Variants in GON4L observed in about 807,000 individuals in gnomAD.
The protein encoded by GON4L is GON-4-like protein.
In GON4L, 87 loss-of-function variants were observed where a neutral mutation model predicts 211.8. The ratio of observed to expected loss-of-function variants is 0.41; its 90% CI spans 0.35 to 0.49. The LOEUF is 0.49. Among genes scored for constraint, GON4L ranks in the 20% least tolerant of loss-of-function variants. GON4L has a pLI of 0.15. For synonymous variants in GON4L, 875 were observed against 962.6 expected (o/e 0.91, Z 1.68); for missense variants, 2,155 against 2,659.5 (o/e 0.81, Z 4.17).
At chr1:155,763,727 G>A (rs1459095602) in intron 21 of GON4L, among the ~76,000 whole-genome samples, 163 bp from the exon 22 acceptor site, 1 of 152,200 alleles carries the variant, frequency 6.6e-6, no homozygotes, top group Non-Finnish European at 1.5e-5. Context: ...AATGGGCCAG[G>A]TACAGTGGCT....
At chr1:155,811,564 T>C (rs571349672) in intron 10 of GON4L, among the ~76,000 whole-genome samples, 5 of 150,784 alleles carry the variant, frequency 3.3e-5, no homozygotes, top group Non-Finnish European at 7.4e-5. Context: ...GAGACCAGCC[T>C]GGCCAATGTG....
intron 3 of GON4L, among the ~76,000 whole-genome samples, chr1:155,826,439 A>G (rs1448295613): frequency 6.6e-6 from 1 of 151,524 alleles, no homozygotes; most frequent in Admixed American, 6.6e-5. Context: ...GGTGGCAGGC[A>G]CCTGTAATCC....
In GON4L at chr1:155,765,926, G is replaced by C. The variant is rs770962317; in HGVS notation, c.3547C>G (p.Leu1183Val). 6.2e-7 allele frequency: 1 copy of C among 1,614,178 alleles called. No homozygotes were observed. The highest frequency in any genetic ancestry group is 1.7e-5 in the Admixed American group (1 of 60,016). The change falls in exon 21 of 32, where the codon CTC (leucine) becomes GTC (valine). Residue 1183 changes from leucine (L) to valine (V), a missense_variant. Physicochemically the swap from Leu to Val is conservative, Grantham distance 32. Coordinates refer to ENST00000368331, the MANE Select transcript of GON4L (RefSeq NM_001282860.2). ...GGGAAGGAAGTAGGGTTAACCAAGA[G>C]GGTAGTGATGGGAATAGTCTGGGGA... ...QSPQTIPITT[L>V]LVNPTSFPCP...
chr1:155,786,592 G>A (rs1664967757), intron 12 of GON4L, among the ~76,000 whole-genome samples: 1 of 152,116 alleles, frequency 6.6e-6, no homozygotes. Context: ...GCTGTCTTTG[G>A]ATCTGAACTA....
intron 9 of GON4L, 80 bp from the exon 10 acceptor site, chr1:155,813,884 G>A: frequency 8.5e-7 from 1 of 1,171,746 alleles, no homozygotes. Context: ...AAAAAGAGAG[G>A]GAAAAAGAGG....
At chr1:155,752,705 C>G in intron 29 of GON4L, 115 bp from the exon 30 acceptor site, 3 of 1,491,926 alleles carry the variant, frequency 2.0e-6, no homozygotes, top group Non-Finnish European at 2.7e-6. Flanking sequence ...GAGGGCTGGG[C>G]ATGGTGGCTC....
chr1:155,833,363 A>C (rs1173961229), intron 2 of GON4L, among the ~76,000 whole-genome samples: 1 of 152,046 alleles, frequency 6.6e-6, no homozygotes, highest in Non-Finnish European at 1.5e-5. Context: ...AAAAAAAGGA[A>C]GGAAGGCCAG....
At chr1:155,843,304 C>T (rs1477224920) in intron 2 of GON4L, among the ~76,000 whole-genome samples, 2 of 152,174 alleles carry the variant, frequency 1.3e-5, no homozygotes, top group African/African-American at 4.8e-5. Context: ...ATTGCAGAAT[C>T]TGTCATCAGC....
intron 10 of GON4L, among the ~76,000 whole-genome samples, chr1:155,806,872 G>A (rs1667175769): frequency 6.6e-6 from 1 of 152,046 alleles, no homozygotes; most frequent in Non-Finnish European, 1.5e-5. Context: ...GGAGGCCCAG[G>A]AAGAACTGCT....
At chr1:155,774,771 C>CA (rs1483223899) in intron 17 of GON4L, 1 of 626,854 alleles carries the variant, frequency 1.6e-6, no homozygotes, top group Non-Finnish European at 2.8e-6. Context: ...CTCTACCTCC[C>CA]ATATTCCTAT....
intron 2 of GON4L, among the ~76,000 whole-genome samples, chr1:155,832,469 C>T (rs933091715): frequency 6.6e-6 from 1 of 151,170 alleles, no homozygotes; most frequent in Non-Finnish European, 1.5e-5. Flanking sequence ...GGAAACCCCA[C>T]CTCTACTGAA....
chr1:155,785,957 G>A (rs552635538), intron 12 of GON4L, among the ~76,000 whole-genome samples: 13 of 152,226 alleles, frequency 8.5e-5, no homozygotes, highest in East Asian at 7.7e-4. Flanking sequence ...TTAGCCAGCC[G>A]TGGTGGTGGG....
chr1:155,760,689 A>G, intron 23 of GON4L, 48 bp from the exon 24 acceptor site: 4 of 1,272,496 alleles, frequency 3.1e-6, no homozygotes, highest in Non-Finnish European at 4.6e-6. Flanking sequence ...TTGGGCCACA[A>G]CAAGCAATAA....
Position 155,765,927 on chromosome 1 carries a change from G to C in GON4L, c.3546C>G (p.Thr1182=), listed in dbSNP as rs1662410376. 5 of 1,614,146 alleles carry C rather than the reference G, an allele frequency of 3.1e-6. No homozygotes were observed. The African/African-American group carries it at 6.7e-5, about 22-fold the overall frequency. Residue 1182 remains threonine, a synonymous_variant, in exon 21 of 32, where the codon ACC becomes ACG. Transcript: ENST00000368331. The part of the protein sequence containing the change: ...AQSPQTIPIT[T]LLVNPTSFPC... ...GGAAGGAAGTAGGGTTAACCAAGAG[G>C]GTAGTGATGGGAATAGTCTGGGGAC...
In GON4L at chr1:155,815,907, T is replaced by G. The variant is rs183259079; in HGVS notation, c.1066-7A>C. ...TATCCACAAACTGAGGAGGCTACATTAGTACAATTAGAAAGAAATGAAGTA... is the reference window on the plus strand; with the variant it reads ...TATCCACAAACTGAGGAGGCTACATGAGTACAATTAGAAAGAAATGAAGTA... On this transcript the variant is annotated splice_region_variant and splice_polypyrimidine_tract_variant and intron_variant, in intron 7 of 31. Coordinates refer to ENST00000368331, the MANE Select transcript of GON4L (RefSeq NM_001282860.2). The G allele has an allele frequency of 1.5e-5, 22 of 1,458,674 alleles. No homozygotes were observed. Among genetic ancestry groups the G allele is most frequent in the Admixed American group, 6.7e-5 (4 of 59,686 alleles). 90.4% of individuals were successfully genotyped at this position (1,458,674 alleles called of 1,614,324 possible).
At chr1:155,775,199 T>C in intron 16 of GON4L, 26 bp from the exon 17 acceptor site, 2 of 1,614,112 alleles carry the variant, frequency 1.2e-6, no homozygotes, top group Non-Finnish European at 1.7e-6. Flanking sequence ...ACAAGAAAGA[T>C]TTAAGACAAT....
chr1:155,813,309 C>T (rs1269896304), intron 10 of GON4L, among the ~76,000 whole-genome samples: 1 of 151,770 alleles, frequency 6.6e-6, no homozygotes, highest in African/African-American at 2.4e-5. Context: ...GTGGCATATA[C>T]CTGTCCCACC....
chr1:155,791,492 A>G (rs530404636), intron 12 of GON4L, among the ~76,000 whole-genome samples: 6 of 140,316 alleles, frequency 4.3e-5, no homozygotes, highest in Non-Finnish European at 4.7e-5. Flanking sequence ...TTGCATAGGG[A>G]AAAAAAAAAA....
At chr1:155,761,297 C>A (rs9427229) in intron 23 of GON4L, among the ~76,000 whole-genome samples, 9,568 of 150,584 alleles carry the variant, frequency 0.064, 1,058 homozygotes, top group African/African-American at 0.22. Context: ...CCTCCCACCT[C>A]AGACTCCCAA....
Sources: allele counts gnomAD v4.1 joint callset (sites outside exome capture counted in the v4.1 genomes callset), GRCh38; gene constraint gnomAD v4.1.1; transcripts MANE v1.5; gene names NCBI Gene and HGNC (gene_info 2026-07-23, HGNC 2026-07-21).